The following FNDC1 variants were observed in gnomAD, a reference collection of about 807,000 sequenced individuals.
The protein encoded by FNDC1 is fibronectin type III domain containing 1.
A neutral mutation model predicts 168.0 loss-of-function variants in FNDC1; 96 were observed. The observed-to-expected ratio is 0.57, with a 90% CI of 0.48 to 0.68. The LOEUF is 0.68. Ranked by LOEUF, FNDC1 falls within the 30% of genes least tolerant of loss-of-function variation. The pLI is 0.00. For missense variants in FNDC1, 2,587 were observed against 2,482.1 expected (o/e 1.04, Z -0.90); for synonymous variants, 1,099 against 1,025.9 (o/e 1.07, Z -1.36).
chr6:159,267,267 T>C (rs973385102), intron 21 of FNDC1, among the ~76,000 whole-genome samples: 1 of 152,000 alleles, frequency 6.6e-6, no homozygotes, highest in Non-Finnish European at 1.5e-5. Context: ...GTCCTTTTCC[T>C]CCCCTGCTTC....
At chr6:159,269,242 TATCTATCC>T (rs1562315707) in intron 22 of FNDC1, among the ~76,000 whole-genome samples, 4 of 96,580 alleles carry the variant, frequency 4.1e-5, no homozygotes, top group East Asian at 5.2e-4. Flanking sequence ...TCTATCTATC[TATCTATCC>T]ATCTATCATC....
At chr6:159,228,590 GA>G (rs1783007021) in intron 9 of FNDC1, among the ~76,000 whole-genome samples, 1 of 151,992 alleles carries the variant, frequency 6.6e-6, no homozygotes, top group South Asian at 2.1e-4. Context: ...GGAGCTAAGG[GA>G]AAAGAAAAGA....
intron 15 of FNDC1, among the ~76,000 whole-genome samples, chr6:159,248,280 C>A (rs1207761481): frequency 6.6e-6 from 1 of 151,948 alleles, no homozygotes; most frequent in Non-Finnish European, 1.5e-5. Flanking sequence ...CCCCCATGCC[C>A]AGAAAAAGTT....
In FNDC1 at chr6:159,232,335, C is replaced by T. The variant is rs376963215; in HGVS notation, c.1823C>T (p.Pro608Leu). The change falls in exon 11 of 23, where the codon CCC becomes CTC. Residue 608 changes from proline (P) to leucine (L), a missense_variant. Coordinates refer to ENST00000297267, the MANE Select transcript of FNDC1 (RefSeq NM_032532.3). This position sits in a 1 kb window ranked among gnomAD's most constrained non-coding sequence, Gnocchi z 4.9. ...CCTGGCTTTTCCCTGGCCACGCAGC[C>T]CCGCCCAGGGGCGCCCCCCTCGGCT... ...DKPGFSLATQPRPGAPPSASA... is the reference protein window; with the variant it reads ...DKPGFSLATQLRPGAPPSASA... The T allele has an allele frequency of 2.5e-6, 4 of 1,613,484 alleles. No individual in the cohort carries two copies. The African/African-American group carries it at 4.0e-5, about 16-fold the overall frequency.
intron 1 of FNDC1, among the ~76,000 whole-genome samples, chr6:159,177,337 G>A (rs914903344): frequency 2.0e-5 from 3 of 152,220 alleles, no homozygotes; most frequent in South Asian, 2.1e-4. Context: ...GAGTTAGCTA[G>A]CATTTTAATA....
At chr6:159,195,387 G>C (rs1782222523) in intron 1 of FNDC1, among the ~76,000 whole-genome samples, 2 of 145,688 alleles carry the variant, frequency 1.4e-5, no homozygotes, top group African/African-American at 5.0e-5. Context: ...GCTCCCAAGA[G>C]AGGAAGATGG....
Position 159,230,954 on chromosome 6 carries a change from G to GTTTT in FNDC1, c.1370-923_1370-920dup, listed in dbSNP as rs66493005. Among the ~76,000 whole-genome samples the GTTTT allele has an allele frequency of 3.3e-5, 5 of 151,774 alleles. No individual in the cohort carries two copies. The East Asian group carries it at 9.7e-4, about 29-fold the overall frequency. Reference sequence around the variant, plus strand: ...AATATAATGTTTGCCTATCCCAGGAGTTTTTTTTATTTTAAGCCTTATTTT... The same window carrying GTTTT: ...AATATAATGTTTGCCTATCCCAGGAGTTTTTTTTTTTTATTTTAAGCCTTATTTT... On this transcript the variant is annotated intron_variant, in intron 10 of 22. Coordinates refer to ENST00000297267, the MANE Select transcript of FNDC1 (RefSeq NM_032532.3).
chr6:159,227,741 C>G (rs201704338), intron 9 of FNDC1, among the ~76,000 whole-genome samples: 2 of 151,188 alleles, frequency 1.3e-5, no homozygotes, highest in East Asian at 3.9e-4. Flanking sequence ...TTTTGGCTTC[C>G]CTGGGCCACA....
chr6:159,234,159 A>G lies in FNDC1; in HGVS notation c.3647A>G (p.Asp1216Gly), dbSNP rs572408544. The G allele has an allele frequency of 1.6e-5, 25 of 1,599,548 alleles. No homozygotes were observed. Among genetic ancestry groups the G allele is most frequent in the Admixed American group, 5.2e-5 (3 of 57,952 alleles). Residue 1216 changes from aspartate (D) to glycine (G), a missense_variant, in exon 11 of 23, where the codon GAT (aspartate) becomes GGT (glycine). Coordinates refer to ENST00000297267, the MANE Select transcript of FNDC1 (RefSeq NM_032532.3). The stretch of plus-strand genomic sequence containing the variant: ...ACTCCCAGGGGCGGCAAAGACGCCG[A>G]TGGGAGCCTCGCCAAGGAAGAGAGG... ...SSTPRGGKDA[D>G]GSLAKEEREP...
At position 159,267,926 on chromosome 6, in the gene FNDC1, G is replaced by A; in HGVS notation, c.5569G>A (p.Gly1857Ser). Residue 1857 changes from glycine (G) to serine (S), a missense_variant and splice_region_variant, in exon 22 of 23, where the codon GGC (glycine) becomes AGC (serine). By Grantham distance (56) the Gly-to-Ser change is moderately conservative. Coordinates refer to ENST00000297267, the MANE Select transcript of FNDC1 (RefSeq NM_032532.3). The stretch of plus-strand genomic sequence containing the variant: ...TGTAGAAGCCCTCCCTACTATTCAA[G>A]GTAATACAAACAAATGCCTGATATA... ...SYVEALPTIQ[G>S]YYRQYRQEPV... 1.9e-6 allele frequency: 3 copies of A among 1,607,336 alleles called. No individual in the cohort carries two copies. The highest frequency in any genetic ancestry group is 2.5e-6 in the Non-Finnish European group (3 of 1,176,578).
intron 9 of FNDC1, among the ~76,000 whole-genome samples, chr6:159,227,275 T>C (rs1463233816): frequency 6.6e-6 from 1 of 152,232 alleles, no homozygotes; most frequent in Non-Finnish European, 1.5e-5. Flanking sequence ...CTGAAGTTTT[T>C]CCTGGCACTG....
In FNDC1 at chr6:159,233,638, C is replaced by T. The variant is rs773979484; in HGVS notation, c.3126C>T (p.Arg1042=). 58 of 1,555,712 alleles carry T rather than the reference C, an allele frequency of 3.7e-5. No individual in the cohort carries two copies. The Middle Eastern group carries it at 1.5e-3, about 40-fold the overall frequency. The change falls in exon 11 of 23, where the codon CGC becomes CGT. Residue 1042 remains arginine (R), a synonymous_variant. Coordinates refer to ENST00000297267, the MANE Select transcript of FNDC1 (RefSeq NM_032532.3). This position sits in a 1 kb window ranked among gnomAD's most constrained non-coding sequence, Gnocchi z 4.6. Reference sequence around the variant, plus strand: ...CACTGACCCAGGCCGGGCGGCCCCGCCCCACGTCGCAGGGCCGCTCCCACT... The same window carrying T: ...CACTGACCCAGGCCGGGCGGCCCCGTCCCACGTCGCAGGGCCGCTCCCACT... ...RLSLTQAGRP[R]PTSQGRSHSS...
intron 4 of FNDC1, among the ~76,000 whole-genome samples, chr6:159,211,809 A>G (rs148394201): frequency 3.2e-4 from 48 of 152,322 alleles, no homozygotes; most frequent in African/African-American, 1.1e-3. Flanking sequence ...TACAGAAGAA[A>G]CTGAAATTCA....
Position 159,234,264 on chromosome 6 carries a change from C to T in FNDC1, c.3752C>T (p.Ser1251Phe). The T allele has an allele frequency of 6.3e-7, 1 of 1,593,502 alleles. No homozygotes were observed. The highest frequency in any genetic ancestry group is 8.5e-7 in the Non-Finnish European group (1 of 1,170,118). ...KRPLPPPPGS[S>F]PRASHVPSRL... Reference sequence around the variant, plus strand: ...CCTCTCCCCCCACCTCCAGGCAGCTCCCCCAGGGCCTCCCACGTCCCTTCC... The same window carrying T: ...CCTCTCCCCCCACCTCCAGGCAGCTTCCCCAGGGCCTCCCACGTCCCTTCC... The change falls in exon 11 of 23, where the codon TCC becomes TTC. Residue 1251 changes from serine (S) to phenylalanine (F), a missense_variant. Transcript: ENST00000297267.
rs763018856 is a variant in FNDC1 at position 159,269,245 on chromosome 6, CT to C, written c.5569+1320del. Among the ~76,000 whole-genome samples the C allele has an allele frequency of 8.0e-3, 878 of 110,404 alleles. 13 individuals carry two copies. The highest frequency in any genetic ancestry group is 0.029 in the African/African-American group (643 of 21,966). 72.4% of individuals were successfully genotyped at this position (110,404 alleles called of 152,430 possible). On this transcript the variant is annotated intron_variant, in intron 22 of 22. Transcript: ENST00000297267. Reference sequence around the variant, plus strand: ...TCTATCTATCTATCTATCTATCTATCTATCCATCTATCATCTATCTATCTAT... The same window carrying C: ...TCTATCTATCTATCTATCTATCTATCATCCATCTATCATCTATCTATCTAT...
intron 21 of FNDC1, among the ~76,000 whole-genome samples, chr6:159,266,818 T>C (rs190060397): frequency 8.2e-4 from 124 of 152,138 alleles, no homozygotes; most frequent in African/African-American, 2.9e-3. Context: ...GTGGAACATA[T>C]ATCAGCAGTA....
chr6:159,265,449 T>C (rs952959294), intron 20 of FNDC1, among the ~76,000 whole-genome samples: 6 of 152,200 alleles, frequency 3.9e-5, no homozygotes, highest in Non-Finnish European at 8.8e-5. Context: ...CAGGATGGCA[T>C]GCCCCAAAAG....
In FNDC1 at chr6:159,232,357, G is replaced by A. The variant is rs1217396894; in HGVS notation, c.1845G>A (p.Ser615=). 2.5e-6 allele frequency: 4 copies of A among 1,613,520 alleles called. No individual in the cohort carries two copies. Among genetic ancestry groups the A allele is most frequent in the Middle Eastern group, 3.3e-4 (2 of 6,062 alleles). The part of the protein sequence containing the change: ...ATQPRPGAPP[S]ASASPAHHAS... The stretch of plus-strand genomic sequence containing the variant: ...AGCCCCGCCCAGGGGCGCCCCCCTC[G>A]GCTTCGGCCTCTCCTGCCCACCACG... The change falls in exon 11 of 23, where the codon TCG becomes TCA. Residue 615 remains serine, a synonymous_variant. Transcript: ENST00000297267. The surrounding 1 kb of genome is among the most constrained non-coding windows in gnomAD (Gnocchi z 4.9).
chr6:159,190,015 T>C (rs183705038), intron 1 of FNDC1, among the ~76,000 whole-genome samples: 377 of 152,318 alleles, frequency 2.5e-3, no homozygotes, highest in African/African-American at 8.6e-3. Flanking sequence ...GGCTAAAGAA[T>C]GAGTTTTACC....
Sources: allele counts gnomAD v4.1 joint callset (sites outside exome capture counted in the v4.1 genomes callset), GRCh38; gene constraint gnomAD v4.1.1; non-coding constraint Gnocchi (gnomAD v3.1); transcripts MANE v1.5; gene names NCBI Gene and HGNC (gene_info 2026-07-23, HGNC 2026-07-21).